SLC22A9: variants seen among roughly 807,000 people sequenced by gnomAD.
SLC22A9 encodes organic anion transporter 7.
A neutral mutation model predicts 50.1 loss-of-function variants in SLC22A9; 64 were observed. That is an observed-to-expected ratio of 1.28 (90% confidence interval 1.04 to 1.57). The LOEUF (loss-of-function observed/expected upper bound fraction) is 1.57. SLC22A9 is among the 40% of genes most tolerant of loss of function. SLC22A9 has a pLI of 0.00. For missense variants in SLC22A9, 757 were observed against 676.1 expected (o/e 1.12, Z -1.33); for synonymous variants, 261 against 242.5 (o/e 1.08, Z -0.71).
chr11:63,383,104 G>A (rs2014595236), intron 6 of SLC22A9, among the ~76,000 whole-genome samples: 1 of 152,174 alleles, frequency 6.6e-6, no homozygotes, highest in Admixed American at 6.5e-5. Flanking sequence ...TCACTGAATA[G>A]AAGGTGAGCA....
At chr11:63,379,664 C>T (rs1206675173) in intron 5 of SLC22A9, among the ~76,000 whole-genome samples, 1 of 152,126 alleles carries the variant, frequency 6.6e-6, no homozygotes. Flanking sequence ...GGCACATGAA[C>T]AAATTAAAAA....
chr11:63,407,982 C>A, intron 7 of SLC22A9, 130 bp from the exon 8 acceptor site: 1 of 641,716 alleles, frequency 1.6e-6, no homozygotes. Context: ...TTCTTTGCCT[C>A]TATGCAGTTT....
rs115883383 is a variant in SLC22A9, at chr11:63,375,430, C to G, written c.831-215C>G. Among the ~76,000 whole-genome samples the G allele has an allele frequency of 2.3e-3, 344 of 152,248 alleles. 1 individual carries two copies. Among genetic ancestry groups the G allele is most frequent in the African/African-American group, 7.4e-3 (307 of 41,564 alleles). On this transcript the variant is annotated intron_variant, in intron 4 of 9. Transcript: ENST00000279178. ...AAGTAAGAGAGGAGCCAGTATGATTCCAAGTCTGCATTCCCAACAGTGAAT... is the reference window on the plus strand; with the variant it reads ...AAGTAAGAGAGGAGCCAGTATGATTGCAAGTCTGCATTCCCAACAGTGAAT...
chr11:63,374,043 G>C lies in SLC22A9; in HGVS notation c.811G>C (p.Val271Leu). The C allele has an allele frequency of 6.2e-7, 1 of 1,609,716 alleles. No individual in the cohort carries two copies. The highest frequency in any genetic ancestry group is 8.5e-7 in the Non-Finnish European group (1 of 1,178,504). The change falls in exon 4 of 10, where the codon GTG becomes CTG. Residue 271 changes from valine (V) to leucine (L), a missense_variant. Physicochemically the swap from Val to Leu is conservative, Grantham distance 32. Coordinates refer to ENST00000279178, the MANE Select transcript of SLC22A9 (RefSeq NM_080866.3). ...LQLVVSVPYF[V>L]IFLTSSWLLE... ...GCTGGTGGTGTCTGTACCATACTTT[G>C]TGATCTTTCTGACCTCAAGGTATGA...
chr11:63,405,242 G>A (rs2015016989), intron 6 of SLC22A9, among the ~76,000 whole-genome samples: 1 of 152,168 alleles, frequency 6.6e-6, no homozygotes, highest in African/African-American at 2.4e-5. Context: ...TTTAAAGGAA[G>A]CAACAGGAAA....
At chr11:63,382,112 C>T in intron 5 of SLC22A9, 47 bp from the exon 6 acceptor site, 2 of 1,488,246 alleles carry the variant, frequency 1.3e-6, no homozygotes, top group Non-Finnish European at 1.8e-6. Context: ...ACAGTGCCTA[C>T]TCTTTTCTGA....
intron 5 of SLC22A9, among the ~76,000 whole-genome samples, chr11:63,379,329 A>G (rs1024822894): frequency 6.6e-6 from 1 of 152,208 alleles, no homozygotes; most frequent in Non-Finnish European, 1.5e-5. Context: ...GAAGATTGAA[A>G]CTGAACCCCT....
chr11:63,406,537 G>T lies in SLC22A9; in HGVS notation c.1114G>T (p.Val372Phe), dbSNP rs767097186. Residue 372 changes from valine (V) to phenylalanine (F), a missense_variant, in exon 7 of 10, where the codon GTC (valine) becomes TTC (phenylalanine). Transcript: ENST00000279178. Reference protein sequence around the residue: ...FMAYFGLNLHVQHLGNNVFLL... With the variant: ...FMAYFGLNLHFQHLGNNVFLL... ...GGCCTATTTTGGCCTTAATCTCCATGTCCAGCATCTGGGGAACAATGTTTT... is the reference window on the plus strand; with the variant it reads ...GGCCTATTTTGGCCTTAATCTCCATTTCCAGCATCTGGGGAACAATGTTTT... 1 of 1,613,686 alleles carries T rather than the reference G, an allele frequency of 6.2e-7. No individual in the cohort carries two copies. The highest frequency in any genetic ancestry group is 2.2e-5 in the East Asian group (1 of 44,870).
chr11:63,408,288 C>A, intron 8 of SLC22A9, 68 bp downstream of exon 8: 1 of 1,253,934 alleles, frequency 8.0e-7, no homozygotes, highest in Non-Finnish European at 1.2e-6. Flanking sequence ...ACACTTTTTG[C>A]GGGAAGAAAT....
At chr11:63,402,076 GT>G (rs2014960918) in intron 6 of SLC22A9, among the ~76,000 whole-genome samples, 1 of 151,982 alleles carries the variant, frequency 6.6e-6, no homozygotes, top group South Asian at 2.1e-4. Flanking sequence ...GTTTACTCTG[GT>G]GTTAGCTTCC....
chr11:63,402,188 G>C (rs915622465), intron 6 of SLC22A9, among the ~76,000 whole-genome samples: 8 of 151,848 alleles, frequency 5.3e-5, no homozygotes, highest in Admixed American at 6.6e-5. Flanking sequence ...ATCTTTGCCA[G>C]GGCTGATGTT....
At chr11:63,374,955 C>A (rs1263213396) in intron 4 of SLC22A9, among the ~76,000 whole-genome samples, 4 of 152,080 alleles carry the variant, frequency 2.6e-5, no homozygotes, top group African/African-American at 4.8e-5. Flanking sequence ...AGTCGGTTAA[C>A]TATACTCTCC....
In SLC22A9 at chr11:63,395,975, G is replaced by T. The variant is rs185384840; in HGVS notation, c.1074-10522G>T. 2.0e-3 allele frequency among the ~76,000 whole-genome samples: 299 copies of T among 152,216 alleles called. 1 individual carries two copies. Among genetic ancestry groups the T allele is most frequent in the African/African-American group, 6.8e-3 (281 of 41,540 alleles). ...CTCTGCTGAGTAATGCAGGTTGTCA[G>T]GGAAGTGGGGGAAAGCCCACAGTCA... is the stretch of plus-strand genomic sequence containing the variant. On this transcript the variant is annotated intron_variant, in intron 6 of 9. Coordinates refer to ENST00000279178, the MANE Select transcript of SLC22A9 (RefSeq NM_080866.3).
chr11:63,394,690 C>A (rs545654391), intron 6 of SLC22A9, among the ~76,000 whole-genome samples: 2 of 152,110 alleles, frequency 1.3e-5, no homozygotes, highest in South Asian at 4.1e-4. Flanking sequence ...GATAACCTGA[C>A]GACAATGTGC....
intron 9 of SLC22A9, 80 bp from the exon 10 acceptor site, chr11:63,409,722 A>G (rs975762988): frequency 7.1e-7 from 1 of 1,399,904 alleles, no homozygotes; most frequent in Non-Finnish European, 1.0e-6. Context: ...AACATTCCTT[A>G]AAGAATGCGG....
intron 6 of SLC22A9, among the ~76,000 whole-genome samples, chr11:63,401,402 T>C (rs1480376927): frequency 1.1e-4 from 17 of 151,988 alleles, no homozygotes; most frequent in Admixed American, 3.9e-4. Context: ...TCATTTGCAA[T>C]TCGTTACAAA....
chr11:63,373,414 A>C (rs1283145234), intron 2 of SLC22A9, among the ~76,000 whole-genome samples: 1 of 152,190 alleles, frequency 6.6e-6, no homozygotes, highest in African/African-American at 2.4e-5. Context: ...AATTGGTGTC[A>C]AAAATATACT....
chr11:63,382,264 C>T lies in SLC22A9; in HGVS notation c.1060C>T (p.Leu354=). ...MPNICKRISL[L]SFTRFANFMA... ...CAACATATGTAAAAGGATCTCCCTC[C>T]TGTCCTTTACGAGGTAAGCTTCATG... Residue 354 remains leucine, a synonymous_variant, in exon 6 of 10, where the codon CTG becomes TTG. Transcript: ENST00000279178. 6.2e-7 allele frequency: 1 copy of T among 1,606,322 alleles called. No individual in the cohort carries two copies. The highest frequency in any genetic ancestry group is 1.3e-5 in the African/African-American group (1 of 74,372).
chr11:63,377,353 A>G (rs533905113), intron 5 of SLC22A9, among the ~76,000 whole-genome samples: 25 of 152,096 alleles, frequency 1.6e-4, no homozygotes, highest in African/African-American at 5.3e-4. Context: ...TAAACCAACC[A>G]CACTCCTGGA....
Sources: gnomAD v4.1 joint callset for allele counts (sites outside exome capture counted in the v4.1 genomes callset) on GRCh38, gnomAD v4.1.1 for gene constraint, MANE v1.5 for transcripts, NCBI Gene and HGNC (gene_info 2026-07-23, HGNC 2026-07-21) for gene names.